The following IMMP2L variants were observed in gnomAD, a reference collection of about 807,000 sequenced individuals.
IMMP2L encodes the protein mitochondrial inner membrane protease subunit 2.
A neutral mutation model predicts 19.3 loss-of-function variants in IMMP2L; 18 were observed. The ratio of observed to expected loss-of-function variants is 0.93; its 90% CI spans 0.64 to 1.38. IMMP2L has a LOEUF of 1.38. IMMP2L is among the 40% of genes most tolerant of loss of function. The pLI, the probability that IMMP2L is intolerant of heterozygous loss-of-function variation, is 0.00. For missense variants in IMMP2L, 233 were observed against 218.2 expected (o/e 1.07, Z -0.43); for synonymous variants, 76 against 73.0 (o/e 1.04, Z -0.21).
chr7:110,906,171 T>G (rs1812431271), intron 4 of IMMP2L, among the ~76,000 whole-genome samples: 1 of 152,232 alleles, frequency 6.6e-6, no homozygotes, highest in Non-Finnish European at 1.5e-5. Context: ...CATTTGGCTG[T>G]TTTTTTCTTA....
At chr7:111,115,614 G>A (rs1307282525) in intron 3 of IMMP2L, among the ~76,000 whole-genome samples, 4 of 151,748 alleles carry the variant, frequency 2.6e-5, no homozygotes, top group African/African-American at 7.3e-5. Flanking sequence ...CAAATTGGAC[G>A]TATTAGGGTG....
chr7:111,472,161 A>G (rs116277887), intron 3 of IMMP2L, among the ~76,000 whole-genome samples: 2,490 of 152,170 alleles, frequency 0.016, 65 homozygotes, highest in African/African-American at 0.057. Context: ...CTCACGATTC[A>G]GTTTTGTTGT....
In IMMP2L at chr7:111,231,134, AATCT is replaced by A. The variant is rs369259179; in HGVS notation, c.239+256100_239+256103del. Among the ~76,000 whole-genome samples the A allele has an allele frequency of 6.0e-3, 912 of 151,984 alleles. 7 individuals carry two copies. Among genetic ancestry groups the A allele is most frequent in the Middle Eastern group, 0.014 (4 of 294 alleles). ...TGTCCTATCAGCAATCAGATTACTT[AATCT>A]ATCTGCCTTTGCAAGTACTTAACAA... On this transcript the variant is annotated intron_variant, in intron 3 of 5. Coordinates refer to ENST00000405709, the MANE Select transcript of IMMP2L (RefSeq NM_032549.4).
At chr7:111,376,059 C>G (rs958813203) in intron 3 of IMMP2L, among the ~76,000 whole-genome samples, 1 of 152,034 alleles carries the variant, frequency 6.6e-6, no homozygotes, top group African/African-American at 2.4e-5. Flanking sequence ...GCTCTGTGAC[C>G]TTGAACAAAT....
At chr7:111,254,715 G>T (rs1276774071) in intron 3 of IMMP2L, among the ~76,000 whole-genome samples, 4 of 152,026 alleles carry the variant, frequency 2.6e-5, no homozygotes, top group Non-Finnish European at 5.9e-5. Context: ...AACTAAATCT[G>T]CACAACATAA....
In IMMP2L at chr7:110,896,625, T is replaced by A. The variant is rs1294203860; in HGVS notation, c.306-9930A>T. 1.4e-5 allele frequency among the ~76,000 whole-genome samples: 2 copies of A among 143,728 alleles called. 1 individual carries two copies. The highest frequency in any genetic ancestry group is 5.4e-5 in the African/African-American group (2 of 37,176). The allele number at this position is 143,728 out of a possible 152,430, so 94.3% of individuals were successfully genotyped here. A position where few individuals can be genotyped will look rare whatever the true frequency, so the allele number is the denominator to read the frequency against. On this transcript the variant is annotated intron_variant, in intron 4 of 5. Transcript: ENST00000405709. Reference sequence around the variant, plus strand: ...GCACATTTTGCCTTTCAAAAATTTTTAATTTCAAAATACTGAGGTATTTTC... The same window carrying A: ...GCACATTTTGCCTTTCAAAAATTTTAAATTTCAAAATACTGAGGTATTTTC...
chr7:110,978,443 T>C (rs1017180337), intron 3 of IMMP2L, among the ~76,000 whole-genome samples: 8 of 152,132 alleles, frequency 5.3e-5, no homozygotes, highest in Non-Finnish European at 1.5e-5. Flanking sequence ...TGGGAATCTA[T>C]CCATCTATTA....
rs189579522 is a variant in IMMP2L, at chr7:110,664,931, A to G, written c.409-1210T>C. On this transcript the variant is annotated intron_variant, in intron 5 of 5. Coordinates refer to ENST00000405709, the MANE Select transcript of IMMP2L (RefSeq NM_032549.4). Reference sequence around the variant, plus strand: ...ATTTGCTATCACATGAATTCAGGAAATCTCTTCTATTTGCTATCGTATGTA... The same window carrying G: ...ATTTGCTATCACATGAATTCAGGAAGTCTCTTCTATTTGCTATCGTATGTA... 21 of 152,256 alleles carry G rather than the reference A, an allele frequency of 1.4e-4. No individual in the cohort carries two copies. The East Asian group carries it at 3.9e-3, about 28-fold the overall frequency. 9.4% of individuals were successfully genotyped at this position (152,256 alleles called of 1,614,324 possible).
At chr7:111,315,102 C>T (rs965183761) in intron 3 of IMMP2L, among the ~76,000 whole-genome samples, 5 of 152,094 alleles carry the variant, frequency 3.3e-5, no homozygotes, top group African/African-American at 1.2e-4. Context: ...CCCAGAATAT[C>T]GTTGACTTTT....
At chr7:111,498,715 GAAGAT>G (rs1843839905) in intron 2 of IMMP2L, among the ~76,000 whole-genome samples, 2 of 152,254 alleles carry the variant, frequency 1.3e-5, no homozygotes, top group South Asian at 2.1e-4. Flanking sequence ...ACAAATCTGT[GAAGAT>G]AATACCATGG....
intron 3 of IMMP2L, among the ~76,000 whole-genome samples, chr7:111,430,695 T>C (rs1215751756): frequency 6.6e-6 from 1 of 151,864 alleles, no homozygotes; most frequent in African/African-American, 2.4e-5. Context: ...ATCTAAGTAG[T>C]ACACTCAAAT....
chr7:111,490,288 T>C (rs1319464801), intron 2 of IMMP2L, among the ~76,000 whole-genome samples: 1 of 149,572 alleles, frequency 6.7e-6, no homozygotes, highest in Non-Finnish European at 1.5e-5. Flanking sequence ...TTTTTTCCTT[T>C]TTTTTTTTTT....
intron 5 of IMMP2L, among the ~76,000 whole-genome samples, chr7:110,685,676 A>C (rs913834209): frequency 6.6e-6 from 1 of 152,100 alleles, no homozygotes; most frequent in Non-Finnish European, 1.5e-5. Context: ...TAGAAAATCT[A>C]TCTCTAATAG....
intron 4 of IMMP2L, among the ~76,000 whole-genome samples, chr7:110,956,495 T>C (rs1307110124): frequency 6.6e-6 from 1 of 152,026 alleles, no homozygotes; most frequent in Non-Finnish European, 1.5e-5. Context: ...AATCCAATTA[T>C]GTGAAGTGAT....
intron 3 of IMMP2L, among the ~76,000 whole-genome samples, chr7:111,211,641 T>C (rs1811321574): frequency 6.6e-6 from 1 of 152,108 alleles, no homozygotes; most frequent in Non-Finnish European, 1.5e-5. Context: ...ACACAAATTA[T>C]CACCTGGAAA....
chr7:111,254,310 A>C (rs981696899), intron 3 of IMMP2L, among the ~76,000 whole-genome samples: 2 of 152,066 alleles, frequency 1.3e-5, no homozygotes, highest in African/African-American at 4.8e-5. Flanking sequence ...TGATCCTAAA[A>C]ACTCTGGAAT....
At chr7:111,142,196 C>T (rs1802973081) in intron 3 of IMMP2L, among the ~76,000 whole-genome samples, 1 of 151,756 alleles carries the variant, frequency 6.6e-6, no homozygotes, top group Non-Finnish European at 1.5e-5. Flanking sequence ...TGTGGTGGCA[C>T]ATGCCTGTAA....
intron 5 of IMMP2L, among the ~76,000 whole-genome samples, chr7:110,862,620 T>A (rs1585063391): frequency 6.6e-6 from 1 of 151,958 alleles, no homozygotes. Context: ...ATTGGGATTA[T>A]AGGTGTGAGC....
intron 5 of IMMP2L, among the ~76,000 whole-genome samples, chr7:110,816,330 A>T (rs1222096685): frequency 2.0e-5 from 3 of 152,004 alleles, no homozygotes; most frequent in Non-Finnish European, 4.4e-5. Context: ...GGTCTGAGAG[A>T]CAGTTTGTTA....
Sources: gnomAD v4.1 joint callset for allele counts (sites outside exome capture counted in the v4.1 genomes callset) on GRCh38, gnomAD v4.1.1 for gene constraint, MANE v1.5 for transcripts, NCBI Gene and HGNC (gene_info 2026-07-23, HGNC 2026-07-21) for gene names.